Variants in DSC1 observed in about 807,000 individuals in gnomAD.
DSC1 encodes the protein desmocollin 1, also known as desmocollin-1.
Under a neutral mutation model 98.8 loss-of-function variants are expected in DSC1, and 79 were observed. The observed-to-expected ratio is 0.80, with a 90% CI of 0.67 to 0.96. The LOEUF (loss-of-function observed/expected upper bound fraction) is 0.96. Among genes scored for constraint, DSC1 ranks in the 50% least tolerant of loss-of-function variants. The pLI, the probability that DSC1 is intolerant of heterozygous loss-of-function variation, is 0.00. For missense variants in DSC1, 1,115 were observed against 1,075.9 expected (o/e 1.04, Z -0.51); for synonymous variants, 405 against 372.1 (o/e 1.09, Z -1.02).
chr18:31,142,550 C>T (rs896586124), intron 8 of DSC1, among the ~76,000 whole-genome samples: 6 of 152,170 alleles, frequency 3.9e-5, no homozygotes, highest in African/African-American at 1.4e-4. Flanking sequence ...ATATATTAAA[C>T]ACTCAGTACT....
chr18:31,130,066 G>T lies in DSC1; in HGVS notation c.*448C>A, dbSNP rs1306670755. 3.1e-5 allele frequency: 5 copies of T among 161,088 alleles called. No homozygotes were observed. The highest frequency in any genetic ancestry group is 9.6e-5 in the African/African-American group (4 of 41,508). 10.0% of individuals were successfully genotyped at this position (161,088 alleles called of 1,614,324 possible). The stretch of plus-strand genomic sequence containing the variant: ...CCTTTTTAAACCACTCAGGTGGAGA[G>T]AATGCAATTATCTGGCACCAACTAT... On this transcript the variant is annotated 3_prime_UTR_variant, in exon 16 of 16. Coordinates refer to ENST00000257198, the MANE Select transcript of DSC1 (RefSeq NM_024421.2).
chr18:31,153,451 G>T (rs1468930939), intron 5 of DSC1, among the ~76,000 whole-genome samples: 1 of 152,118 alleles, frequency 6.6e-6, no homozygotes, highest in African/African-American at 2.4e-5. Context: ...GTAAAAGTGT[G>T]TTATATTACT....
At chr18:31,143,622 T>C (rs1598620020) in intron 8 of DSC1, 35 bp downstream of exon 8, 3 of 1,438,682 alleles carry the variant, frequency 2.1e-6, no homozygotes, top group South Asian at 1.6e-5. Flanking sequence ...AAAAAGTAGA[T>C]AAATCTAGAT....
In DSC1 at chr18:31,162,584, G is replaced by T; in HGVS notation, c.11C>A (p.Ala4Asp). ...GAAGATGCTCCCTGGGGCAGCAGAG[G>T]CCAGAGCCATCAGAAGCAGTCCCAA... MAL[A>D]SAAPGSIFCK... The change falls in exon 1 of 16, where the codon GCC becomes GAC. Residue 4 changes from alanine (A) to aspartate (D), a missense_variant. By Grantham distance (126) the Ala-to-Asp change is moderately radical. Coordinates refer to ENST00000257198, the MANE Select transcript of DSC1 (RefSeq NM_024421.2). 2.5e-6 allele frequency: 4 copies of T among 1,614,128 alleles called. No individual in the cohort carries two copies. The highest frequency in any genetic ancestry group is 3.4e-6 in the Non-Finnish European group (4 of 1,180,008).
rs143832070 is a variant in DSC1, at chr18:31,135,245, C to T, written c.1664-461G>A. Among the ~76,000 whole-genome samples, 9 of 152,200 alleles carry T rather than the reference C, an allele frequency of 5.9e-5. No homozygotes were observed. The East Asian group carries it at 1.4e-3, about 23-fold the overall frequency. ...CCCTTCCTGTCTGCTTTGTAGCATT[C>T]GGTTGCCACTCCTAGGAATACTTTT... On this transcript the variant is annotated intron_variant, in intron 11 of 15. Transcript: ENST00000257198.
At chr18:31,145,514 A>C in intron 7 of DSC1, 97 bp downstream of exon 7, 1 of 1,373,456 alleles carries the variant, frequency 7.3e-7, no homozygotes, top group Non-Finnish European at 1.0e-6. Flanking sequence ...GCATGCTGAG[A>C]AAGGAGGCCA....
chr18:31,158,553 A>G (rs902091469), intron 2 of DSC1, among the ~76,000 whole-genome samples: 3 of 152,152 alleles, frequency 2.0e-5, no homozygotes, highest in African/African-American at 7.2e-5. Flanking sequence ...TTTACATGTG[A>G]ATGCAAAGCC....
In DSC1 at chr18:31,157,511, T is replaced by A; in HGVS notation, c.211A>T (p.Ile71Phe). 1 of 1,614,226 alleles carries A rather than the reference T, an allele frequency of 6.2e-7. No individual in the cohort carries two copies. Residue 71 changes from isoleucine (I) to phenylalanine (F), a missense_variant, in exon 3 of 16, where the codon ATT (isoleucine) becomes TTT (phenylalanine). By Grantham distance (21) the Ile-to-Phe change is conservative. Transcript: ENST00000257198. The part of the protein sequence containing the change: ...LIRSSDPAFR[I>F]LEDGSIYTTH... ...GTGTAAATTGAGCCATCTTCTAGAA[T>A]TCTGAAGGCAGGGTCACTGGACCGG...
At chr18:31,132,736 T>C (rs974128321) in intron 13 of DSC1, 47 bp from the exon 14 acceptor site, 1 of 1,542,144 alleles carries the variant, frequency 6.5e-7, no homozygotes, top group Non-Finnish European at 8.8e-7. Flanking sequence ...TTAAATCATT[T>C]GATTACATGA....
intron 4 of DSC1, among the ~76,000 whole-genome samples, chr18:31,155,523 G>A (rs572789942): frequency 6.6e-6 from 1 of 152,168 alleles, no homozygotes; most frequent in East Asian, 1.9e-4. Context: ...CCAGCAACTC[G>A]GGAGGTTGAG....
At chr18:31,133,041 A>G (rs1398546169) in intron 13 of DSC1, among the ~76,000 whole-genome samples, 5 of 152,200 alleles carry the variant, frequency 3.3e-5, no homozygotes, top group Non-Finnish European at 5.9e-5. Flanking sequence ...AACATTAGGC[A>G]TAAATACAAA....
At position 31,154,767 on chromosome 18, in the gene DSC1, A is replaced by T. The variant is rs200293568; in HGVS notation, c.627+7T>A. 602 of 1,592,694 alleles carry T rather than the reference A, an allele frequency of 3.8e-4. 4 individuals carry two copies. The Middle Eastern group carries it at 9.2e-3, about 24-fold the overall frequency. On this transcript the variant is annotated splice_region_variant and intron_variant, in intron 5 of 15. Transcript: ENST00000257198. ...ATAATTATGAATAAATATTTCAATA[A>T]TCCTACCGCAAACTGTTCATATTTC... is the stretch of plus-strand genomic sequence containing the variant.
Position 31,148,558 on chromosome 18 carries a change from TATC to T in DSC1, c.709_711del (p.Asp237del), listed in dbSNP as rs1262243814. The stretch of plus-strand genomic sequence containing the variant: ...ACTCTGTGTTCAAAATATGGGGCGT[TATC>T]ATTATCATCTTCAATTTTGATGATC... On this transcript the variant is annotated inframe_deletion, in exon 6 of 16. Coordinates refer to ENST00000257198, the MANE Select transcript of DSC1 (RefSeq NM_024421.2). 6.2e-7 allele frequency: 1 copy of T among 1,612,522 alleles called. No individual in the cohort carries two copies. Among genetic ancestry groups the T allele is most frequent in the South Asian group, 1.1e-5 (1 of 90,934 alleles).
At chr18:31,132,755 A>C in intron 13 of DSC1, 66 bp from the exon 14 acceptor site, 1 of 1,473,346 alleles carries the variant, frequency 6.8e-7, no homozygotes, top group Non-Finnish European at 9.1e-7. Context: ...GATTTTTTAA[A>C]GTCTTCTTGC....
At chr18:31,145,900 G>A (rs1407490831) in intron 6 of DSC1, 123 bp from the exon 7 acceptor site, 1 of 1,049,770 alleles carries the variant, frequency 9.5e-7, no homozygotes, top group African/African-American at 1.6e-5. Flanking sequence ...TAGTTCTACT[G>A]TTAAGTTGAC....
rs745976038 is a variant in DSC1 at position 31,154,777 on chromosome 18, A to C, written c.624T>G (p.Phe208Leu). 1.2e-6 allele frequency: 2 copies of C among 1,608,728 alleles called. No homozygotes were observed. Among genetic ancestry groups the C allele is most frequent in the South Asian group, 2.2e-5 (2 of 89,866 alleles). Residue 208 changes from phenylalanine to leucine, a missense_variant, in exon 5 of 16, where the codon TTT becomes TTG. By Grantham distance (22) the Phe-to-Leu change is conservative. Transcript: ENST00000257198. ...ATAAATATTTCAATAATCCTACCGC[A>C]AACTGTTCATATTTCTCACGGTCAA... ...RSIDREKYEQ[F>L]ALYGYATTAD...
intron 11 of DSC1, among the ~76,000 whole-genome samples, chr18:31,138,175 G>A (rs908594108): frequency 6.6e-5 from 10 of 151,922 alleles, no homozygotes; most frequent in Non-Finnish European, 4.4e-5. Context: ...TACATTCACT[G>A]TGCTTACAGA....
chr18:31,144,874 G>C (rs1988808690), intron 7 of DSC1, among the ~76,000 whole-genome samples: 1 of 152,018 alleles, frequency 6.6e-6, no homozygotes, highest in Admixed American at 6.6e-5. Context: ...GTTGATAGCA[G>C]GGAAGGCTAT....
intron 1 of DSC1, among the ~76,000 whole-genome samples, chr18:31,161,039 C>A (rs921132248): frequency 6.6e-6 from 1 of 152,018 alleles, no homozygotes; most frequent in Non-Finnish European, 1.5e-5. Flanking sequence ...ATGGTATACA[C>A]CATGATTTAT....
Sources: gnomAD v4.1 joint callset for allele counts (sites outside exome capture counted in the v4.1 genomes callset) on GRCh38, gnomAD v4.1.1 for gene constraint, MANE v1.5 for transcripts, NCBI Gene and HGNC (gene_info 2026-07-23, HGNC 2026-07-21) for gene names.